CDC20B: variants seen among roughly 807,000 people sequenced by gnomAD.
CDC20B encodes the protein cell division cycle protein 20 homolog B.
A neutral mutation model predicts 64.1 loss-of-function variants in CDC20B; 58 were observed. The ratio of observed to expected loss-of-function variants is 0.90; its 90% CI spans 0.73 to 1.13. The LOEUF is 1.13. Ranked by LOEUF, CDC20B falls within the 50% of genes most tolerant of loss-of-function variation. The probability of loss-of-function intolerance (pLI) is 0.00; values close to 1 mark genes in which losing one functional copy is unlikely to be tolerated. For missense variants in CDC20B, 597 were observed against 633.0 expected, an observed-to-expected ratio of 0.94 and a Z score of 0.61; for synonymous variants, 243 against 230.6, an observed-to-expected ratio of 1.05 and a Z score of -0.49.
intron 6 of CDC20B, among the ~76,000 whole-genome samples, chr5:55,131,311 A>G (rs1743023045): frequency 6.6e-6 from 1 of 152,232 alleles, no homozygotes; most frequent in Non-Finnish European, 1.5e-5. Context: ...AATCCCTAGA[A>G]AAATGACGAC....
At chr5:55,153,604 C>G (rs1365273445) in intron 2 of CDC20B, among the ~76,000 whole-genome samples, 1 of 64,588 alleles carries the variant, frequency 1.5e-5, no homozygotes, top group Non-Finnish European at 3.4e-5. Flanking sequence ...AATAAATCCC[C>G]CCGGGGTGGA....
At chr5:55,140,452 C>T (rs2111865206) in intron 4 of CDC20B, 45 bp from the exon 5 acceptor site, 3 of 1,284,302 alleles carry the variant, frequency 2.3e-6, no homozygotes, top group Non-Finnish European at 3.4e-6. Context: ...TAAAAACATA[C>T]ATGTACAACT....
chr5:55,132,956 A>C lies in CDC20B; in HGVS notation c.697+456T>G, dbSNP rs141262315. Reference sequence around the variant, plus strand: ...TTTCTGGACAACACCGAAGCTCACTAAGCTCCTTCTAGTCTTTATAGCTCC... The same window carrying C: ...TTTCTGGACAACACCGAAGCTCACTCAGCTCCTTCTAGTCTTTATAGCTCC... On this transcript the variant is annotated intron_variant, in intron 6 of 11. Transcript: ENST00000381375. 4.9e-3 allele frequency among the ~76,000 whole-genome samples: 745 copies of C among 152,282 alleles called. 9 individuals are homozygous for C. Among genetic ancestry groups the C allele is most frequent in the Middle Eastern group, 0.024 (7 of 294 alleles).
intron 2 of CDC20B, among the ~76,000 whole-genome samples, chr5:55,159,410 G>A (rs547321619): frequency 6.6e-6 from 1 of 152,256 alleles, no homozygotes; most frequent in South Asian, 2.1e-4. Flanking sequence ...GCAACAGGTG[G>A]GGGTGCATCA....
rs1742583839 is a variant in CDC20B, at chr5:55,114,672, C to T, written c.1460-354G>A. Among the ~76,000 whole-genome samples the T allele has an allele frequency of 6.6e-6, 1 of 152,124 alleles. No homozygotes were observed. Among genetic ancestry groups the T allele is most frequent in the Non-Finnish European group, 1.5e-5 (1 of 68,020 alleles). ...GGGCTGTGCTCCCTAGGGAGGCTCT[C>T]GAGGGGATTCCATGCTTTGCAGCTA... On this transcript the variant is annotated intron_variant, in intron 11 of 11. Coordinates refer to ENST00000381375, the MANE Select transcript of CDC20B (RefSeq NM_001170402.1). This position sits in a 1 kb window ranked among gnomAD's most constrained non-coding sequence, Gnocchi z 4.1.
chr5:55,151,710 G>A (rs1385933612), intron 2 of CDC20B, among the ~76,000 whole-genome samples: 1 of 152,170 alleles, frequency 6.6e-6, no homozygotes. Context: ...CACTTAGGAT[G>A]TTCATCCCCA....
intron 2 of CDC20B, among the ~76,000 whole-genome samples, chr5:55,156,385 T>C (rs955431393): frequency 1.3e-5 from 2 of 152,222 alleles, no homozygotes; most frequent in Admixed American, 6.5e-5. Context: ...TTTATTCACC[T>C]ATTACACAGA....
At chr5:55,156,646 C>G (rs1051076920) in intron 2 of CDC20B, among the ~76,000 whole-genome samples, 2 of 152,040 alleles carry the variant, frequency 1.3e-5, no homozygotes, top group African/African-American at 4.8e-5. Flanking sequence ...GAGGCCGAGG[C>G]GGGCAGCTCA....
chr5:55,138,750 C>G (rs1366343854), intron 5 of CDC20B, among the ~76,000 whole-genome samples: 3 of 145,542 alleles, frequency 2.1e-5, no homozygotes, highest in Admixed American at 1.4e-4. Context: ...AAAAAAGGAA[C>G]AGAGTACAGA....
intron 2 of CDC20B, among the ~76,000 whole-genome samples, chr5:55,156,946 T>C (rs1423512385): frequency 6.6e-6 from 1 of 152,220 alleles, no homozygotes; most frequent in Non-Finnish European, 1.5e-5. Flanking sequence ...TTGTAATCCT[T>C]CCGTTTCTTG....
intron 5 of CDC20B, among the ~76,000 whole-genome samples, chr5:55,138,165 T>A (rs368052511): frequency 1.4e-5 from 2 of 141,374 alleles, no homozygotes; most frequent in East Asian, 2.1e-4. Context: ...GATTTTGAGT[T>A]AAAAAAAAAA....
At chr5:55,133,800 G>A (rs560338918) in intron 5 of CDC20B, among the ~76,000 whole-genome samples, 1 of 152,074 alleles carries the variant, frequency 6.6e-6, no homozygotes, top group South Asian at 2.1e-4. Context: ...GATAGATCTT[G>A]TGAGGAGTAC....
At chr5:55,131,516 A>C (rs564132177) in intron 6 of CDC20B, among the ~76,000 whole-genome samples, 1 of 152,200 alleles carries the variant, frequency 6.6e-6, no homozygotes, top group Non-Finnish European at 1.5e-5. Context: ...ACAAAACCCA[A>C]AAGAGTGGGA....
At position 55,124,912 on chromosome 5, in the gene CDC20B, A is replaced by G. The variant is rs777602153; in HGVS notation, c.1106T>C (p.Leu369Pro). 16 of 1,614,088 alleles carry G rather than the reference A, an allele frequency of 9.9e-6. 1 individual carries two copies. The Middle Eastern group carries it at 1.2e-3, about 116-fold the overall frequency. ...CALKWSPDGR[L>P]LSSGCSDGLL... is the part of the protein sequence containing the mutation. ...TCCATCACTGCAGCCGCTGGAAAGC[A>G]GCCTGCCATCCGGTGACCACTTCAG... The change falls in exon 9 of 12, where the codon CTG becomes CCG. Residue 369 changes from leucine (L) to proline (P), a missense_variant. By Grantham distance (98) the Leu-to-Pro change is moderately conservative (BLOSUM62 -3). Transcript: ENST00000381375.
intron 2 of CDC20B, among the ~76,000 whole-genome samples, chr5:55,155,387 G>A (rs1408438447): frequency 6.6e-6 from 1 of 152,134 alleles, no homozygotes; most frequent in East Asian, 1.9e-4. Context: ...AGACCTGCTG[G>A]CGATGCTAGT....
intron 11 of CDC20B, among the ~76,000 whole-genome samples, chr5:55,117,371 A>T (rs568744430): frequency 1.3e-5 from 2 of 152,326 alleles, no homozygotes; most frequent in African/African-American, 4.8e-5. Flanking sequence ...CCAAAACTAT[A>T]TTTTATGTAG....
intron 2 of CDC20B, among the ~76,000 whole-genome samples, chr5:55,157,178 G>A (rs1025143500): frequency 6.6e-6 from 1 of 152,062 alleles, no homozygotes; most frequent in African/African-American, 2.4e-5. Context: ...AGCGCTGGTG[G>A]TTTTTCTAAC....
rs1300413906 is a variant in CDC20B, at chr5:55,113,946, A to C, written c.*272T>G. On this transcript the variant is annotated 3_prime_UTR_variant, in exon 12 of 12. Coordinates refer to ENST00000381375, the MANE Select transcript of CDC20B (RefSeq NM_001170402.1). ...GATGTTATTCTGAATAAAGTAGTGA[A>C]AATGAATCTCTAGAAAGGGGTAAGA... 2 of 386,960 alleles carry C rather than the reference A, an allele frequency of 5.2e-6. No homozygotes were observed. Among genetic ancestry groups the C allele is most frequent in the African/African-American group, 4.1e-5 (2 of 48,486 alleles). The allele number at this position is 386,960 out of a possible 1,614,324, so 24.0% of individuals were successfully genotyped here.
At chr5:55,170,663 A>G (rs1273862758) in intron 2 of CDC20B, 1 of 534,672 alleles carries the variant, frequency 1.9e-6, no homozygotes, top group Non-Finnish European at 3.8e-6. Context: ...TTTATCCAGA[A>G]GCAAGTGGCA....
Sources: gnomAD v4.1 joint callset for allele counts (sites outside exome capture counted in the v4.1 genomes callset) on GRCh38, gnomAD v4.1.1 for gene constraint, Gnocchi (gnomAD v3.1) non-coding constraint, MANE v1.5 for transcripts, NCBI Gene and HGNC (gene_info 2026-07-23, HGNC 2026-07-21) for gene names.